The following CDH10 variants were observed in gnomAD, a reference collection of about 807,000 sequenced individuals.
CDH10 encodes cadherin-10.
Under a neutral mutation model 73.1 loss-of-function variants are expected in CDH10, and 30 were observed. The observed-to-expected ratio is 0.41, with a 90% CI of 0.31 to 0.56. The LOEUF is 0.56. CDH10 is among the 20% of genes least tolerant of loss of function. CDH10 has a pLI of 0.27. For synonymous variants in CDH10, 345 were observed against 348.2 expected, an observed-to-expected ratio of 0.99 and a Z score of 0.10; for missense variants, 815 against 973.7, an observed-to-expected ratio of 0.84 and a Z score of 2.17.
rs768375363 is a variant in CDH10, at chr5:24,511,562, A to T, written c.815-48T>A. The T allele has an allele frequency of 1.3e-5, 10 of 742,706 alleles. 1 individual carries two copies. In the South Asian group the frequency reaches 2.0e-4, roughly 15 times the overall value. The allele number at this position is 742,706 out of a possible 1,614,324, so 46.0% of individuals were successfully genotyped here. On this transcript the variant is annotated intron_variant, in intron 5 of 11. Transcript: ENST00000264463. ...GAGAGAGACAGAGAGAGAGAGAGAG[A>T]GAGAGAGAGAGAGAGAGAGAGAGAG...
chr5:24,575,265 G>A (rs1745554803), intron 2 of CDH10, among the ~76,000 whole-genome samples: 2 of 62,700 alleles, frequency 3.2e-5, no homozygotes, highest in African/African-American at 6.0e-5. Context: ...AGGAGGCTGA[G>A]GCATGAGAAT....
intron 2 of CDH10, among the ~76,000 whole-genome samples, chr5:24,592,682 T>C (rs1373634335): frequency 6.6e-6 from 1 of 151,848 alleles, no homozygotes; most frequent in Non-Finnish European, 1.5e-5. Flanking sequence ...GCTAAACTAT[T>C]TTTACTTGCT....
chr5:24,634,177 C>A (rs1245212645), intron 1 of CDH10, among the ~76,000 whole-genome samples: 2 of 151,842 alleles, frequency 1.3e-5, no homozygotes, highest in Non-Finnish European at 2.9e-5. Flanking sequence ...CAGTAGTCTG[C>A]ATAATTAATT....
At position 24,611,000 on chromosome 5, in the gene CDH10, C is replaced by T. The variant is rs566409719; in HGVS notation, c.-123-17387G>A. Among the ~76,000 whole-genome samples the T allele has an allele frequency of 4.6e-5, 7 of 152,238 alleles. No individual in the cohort carries two copies. In the South Asian group the frequency reaches 1.5e-3, roughly 32 times the overall value. On this transcript the variant is annotated intron_variant, in intron 1 of 11. Coordinates refer to ENST00000264463, the MANE Select transcript of CDH10 (RefSeq NM_006727.5). ...TCATTTGCTGAGTGGCTATTACACG[C>T]CAAACACATTTATGCATAGCTTAAA...
intron 1 of CDH10, among the ~76,000 whole-genome samples, chr5:24,599,120 A>G (rs1213868430): frequency 6.6e-6 from 1 of 152,180 alleles, no homozygotes; most frequent in Non-Finnish European, 1.5e-5. Context: ...TCCACAAGCA[A>G]GTTAGCAGTG....
At chr5:24,538,040 G>A (rs1279229666) in intron 2 of CDH10, among the ~76,000 whole-genome samples, 1 of 151,930 alleles carries the variant, frequency 6.6e-6, no homozygotes, top group South Asian at 2.1e-4. Flanking sequence ...GTGAATGAAA[G>A]ATTATTTTAT....
chr5:24,571,913 C>T (rs1415132590), intron 2 of CDH10, among the ~76,000 whole-genome samples: 1 of 151,738 alleles, frequency 6.6e-6, no homozygotes, highest in Admixed American at 6.6e-5. Context: ...AAGCATGAGC[C>T]AGCTCCAGCA....
chr5:24,513,112 G>A (rs535287604), intron 5 of CDH10, among the ~76,000 whole-genome samples: 23 of 151,388 alleles, frequency 1.5e-4, no homozygotes, highest in African/African-American at 4.6e-4. Flanking sequence ...CTTACCTCCC[G>A]GGTTCAAGTG....
At chr5:24,536,639 C>A (rs1229556965) in intron 3 of CDH10, among the ~76,000 whole-genome samples, 1 of 151,918 alleles carries the variant, frequency 6.6e-6, no homozygotes, top group Non-Finnish European at 1.5e-5. Context: ...AAAATTAATG[C>A]AGTTTTAATT....
At chr5:24,622,518 ATCAC>A (rs1747351755) in intron 1 of CDH10, among the ~76,000 whole-genome samples, 1 of 152,164 alleles carries the variant, frequency 6.6e-6, no homozygotes, top group Non-Finnish European at 1.5e-5. Context: ...CCTTATTCAG[ATCAC>A]TCTAGTGTTC....
At chr5:24,597,623 T>C (rs1360262971) in intron 1 of CDH10, among the ~76,000 whole-genome samples, 1 of 152,086 alleles carries the variant, frequency 6.6e-6, no homozygotes, top group East Asian at 1.9e-4. Context: ...TTTTTCTTTA[T>C]ATGTTCATTT....
At chr5:24,504,775 C>T (rs1306725658) in intron 8 of CDH10, among the ~76,000 whole-genome samples, 2 of 151,676 alleles carry the variant, frequency 1.3e-5, no homozygotes, top group African/African-American at 4.9e-5. Context: ...CCGCCCACCT[C>T]GGCCTCCCAA....
chr5:24,509,864 A>G, intron 6 of CDH10, 45 bp from the exon 7 acceptor site: 1 of 1,487,902 alleles, frequency 6.7e-7, no homozygotes, highest in East Asian at 2.3e-5. Flanking sequence ...GGGAAATTGG[A>G]TGATATGCTC....
chr5:24,557,195 G>T (rs1336181924), intron 2 of CDH10, among the ~76,000 whole-genome samples: 1 of 60,060 alleles, frequency 1.7e-5, no homozygotes, highest in Admixed American at 1.6e-4. Context: ...ATTAACATCA[G>T]TTTTTTTTAA....
chr5:24,559,406 T>C (rs941156214), intron 2 of CDH10, among the ~76,000 whole-genome samples: 1 of 152,036 alleles, frequency 6.6e-6, no homozygotes, highest in Non-Finnish European at 1.5e-5. Flanking sequence ...ATTATCTTTT[T>C]AATCCAACTG....
At chr5:24,627,215 G>A (rs1747538923) in intron 1 of CDH10, among the ~76,000 whole-genome samples, 1 of 152,026 alleles carries the variant, frequency 6.6e-6, no homozygotes, top group Non-Finnish European at 1.5e-5. Flanking sequence ...GTTAGTTTTA[G>A]TGACATTTTC....
intron 1 of CDH10, among the ~76,000 whole-genome samples, chr5:24,596,856 T>C (rs938336929): frequency 2.6e-5 from 4 of 151,884 alleles, no homozygotes; most frequent in African/African-American, 9.7e-5. Flanking sequence ...TCTAAATATG[T>C]TGGACTATTT....
At chr5:24,575,357 A>C (rs1745562894) in intron 2 of CDH10, among the ~76,000 whole-genome samples, 1 of 143,910 alleles carries the variant, frequency 6.9e-6, no homozygotes, top group Non-Finnish European at 1.5e-5. Flanking sequence ...AAAAACAACA[A>C]AAAAAAAAAA....
chr5:24,492,979 ATCTGCACT>A, intron 9 of CDH10, 54 bp from the exon 10 acceptor site: 1 of 743,956 alleles, frequency 1.3e-6, no homozygotes, highest in Non-Finnish European at 2.4e-6. Flanking sequence ...CATGGGTATA[ATCTGCACT>A]TAAGATCTTC....
Sources: allele counts gnomAD v4.1 joint callset (sites outside exome capture counted in the v4.1 genomes callset), GRCh38; gene constraint gnomAD v4.1.1; transcripts MANE v1.5; gene names NCBI Gene and HGNC (gene_info 2026-07-23, HGNC 2026-07-21).